The following PCMT1 variants were observed in gnomAD, a reference collection of about 807,000 sequenced individuals.
The protein encoded by PCMT1 is protein-L-isoaspartate (D-aspartate) O-methyltransferase.
PCMT1 carries 9 observed loss-of-function variants against 29.2 expected under a neutral mutation model. The ratio of observed to expected loss-of-function variants is 0.31; its 90% CI spans 0.19 to 0.54. The LOEUF (loss-of-function observed/expected upper bound fraction) is 0.54. Among genes scored for constraint, PCMT1 ranks in the 20% least tolerant of loss-of-function variants. The probability of loss-of-function intolerance (pLI) is 0.95; values close to 1 mark genes in which losing one functional copy is unlikely to be tolerated. For missense variants in PCMT1, 184 were observed against 282.2 expected, an observed-to-expected ratio of 0.65 and a Z score of 2.49; for synonymous variants, 98 against 97.5, an observed-to-expected ratio of 1.00 and a Z score of -0.03.
chr6:149,809,246 G>A (rs1222306078), intron 7 of PCMT1, among the ~76,000 whole-genome samples: 10 of 101,490 alleles, frequency 9.9e-5, no homozygotes, highest in African/African-American at 2.5e-4. Flanking sequence ...GTGACAGAGC[G>A]AGACTCTGTC....
chr6:149,778,504 C>T (rs1393992683), intron 3 of PCMT1, among the ~76,000 whole-genome samples: 8 of 152,046 alleles, frequency 5.3e-5, no homozygotes, highest in African/African-American at 1.9e-4. Flanking sequence ...GCTGGGATTA[C>T]AGGCCTGAGC....
intron 3 of PCMT1, among the ~76,000 whole-genome samples, chr6:149,782,897 G>A (rs9322220): frequency 6.6e-6 from 1 of 151,886 alleles, no homozygotes; most frequent in Admixed American, 6.6e-5. Context: ...TGGCTGATGC[G>A]TGTAATCTCA....
chr6:149,793,353 T>C (rs1442396762), intron 4 of PCMT1, among the ~76,000 whole-genome samples, 196 bp from the exon 5 acceptor site: 1 of 152,200 alleles, frequency 6.6e-6, no homozygotes, highest in African/African-American at 2.4e-5. Context: ...TTTTATTCAA[T>C]GAGAGTGATA....
At chr6:149,801,382 C>T (rs1439093360) in intron 6 of PCMT1, among the ~76,000 whole-genome samples, 1 of 152,116 alleles carries the variant, frequency 6.6e-6, no homozygotes, top group Non-Finnish European at 1.5e-5. Flanking sequence ...TGTTGATGTT[C>T]AGAGTTTTGG....
At chr6:149,771,405 A>G in intron 2 of PCMT1, 139 bp downstream of exon 2, 1 of 508,990 alleles carries the variant, frequency 2.0e-6, no homozygotes, top group Non-Finnish European at 3.4e-6. Context: ...AAGTTTCATA[A>G]TCCCAAACAT....
chr6:149,754,619 C>G (rs887248059), intron 1 of PCMT1, among the ~76,000 whole-genome samples: 1 of 152,134 alleles, frequency 6.6e-6, no homozygotes, highest in East Asian at 1.9e-4. Context: ...TCAGTTACCC[C>G]AAGTCAACTG....
chr6:149,766,872 A>C (rs540626712), intron 1 of PCMT1, among the ~76,000 whole-genome samples: 2 of 152,280 alleles, frequency 1.3e-5, no homozygotes, highest in South Asian at 4.1e-4. Flanking sequence ...AAATGGAATC[A>C]TGTAGTCTCC....
At chr6:149,751,907 C>CAGGTT (rs1786335910) in intron 1 of PCMT1, among the ~76,000 whole-genome samples, 1 of 151,524 alleles carries the variant, frequency 6.6e-6, no homozygotes, top group South Asian at 2.1e-4. Flanking sequence ...CAGGGTTTCA[C>CAGGTT]TGTCACCCAG....
intron 4 of PCMT1, among the ~76,000 whole-genome samples, chr6:149,792,333 G>A (rs538894277): frequency 6.6e-6 from 1 of 151,850 alleles, no homozygotes; most frequent in Non-Finnish European, 1.5e-5. Flanking sequence ...AAGAAGGAAC[G>A]GTTAACTTGC....
chr6:149,763,048 GTATATCTATGATATA>G lies in PCMT1; in HGVS notation c.56-8099_56-8085del, dbSNP rs1200191788. ...GATATATCTATGATATCTATGATAT[GTATATCTATGATATA>G]TATATCTATGATATGTATATCTATG... is the stretch of plus-strand genomic sequence containing the variant. On this transcript the variant is annotated intron_variant, in intron 1 of 7. Coordinates refer to ENST00000464889, the MANE Select transcript of PCMT1 (RefSeq NM_001360452.2). 2.4e-4 allele frequency among the ~76,000 whole-genome samples: 10 copies of G among 41,586 alleles called. 3 individuals carry two copies. The highest frequency in any genetic ancestry group is 4.6e-4 in the Admixed American group (1 of 2,170). 27.3% of individuals were successfully genotyped at this position (41,586 alleles called of 152,430 possible). A position where few individuals can be genotyped will look rare whatever the true frequency, so the allele number is the denominator to read the frequency against.
At chr6:149,782,567 G>T (rs1787856388) in intron 3 of PCMT1, among the ~76,000 whole-genome samples, 1 of 152,178 alleles carries the variant, frequency 6.6e-6, no homozygotes, top group Non-Finnish European at 1.5e-5. Context: ...TTGGAGTAGT[G>T]ACTGACATCT....
chr6:149,763,712 A>G (rs1180908576), intron 1 of PCMT1, among the ~76,000 whole-genome samples: 4 of 152,190 alleles, frequency 2.6e-5, no homozygotes, highest in African/African-American at 7.2e-5. Flanking sequence ...GTATCCATCT[A>G]GAGAAGAATG....
At chr6:149,786,483 T>C (rs1389450998) in intron 3 of PCMT1, among the ~76,000 whole-genome samples, 2 of 125,116 alleles carry the variant, frequency 1.6e-5, no homozygotes, top group Admixed American at 8.0e-5. Context: ...CCAGACGGGG[T>C]GGCTGCCAGG....
chr6:149,807,618 G>C (rs954123529), intron 7 of PCMT1, among the ~76,000 whole-genome samples: 2 of 152,108 alleles, frequency 1.3e-5, no homozygotes, highest in Non-Finnish European at 2.9e-5. Context: ...TGATCCACCC[G>C]CCTCAGCCTC....
chr6:149,783,553 T>G (rs9767122), intron 3 of PCMT1, among the ~76,000 whole-genome samples: 80,768 of 152,114 alleles, frequency 0.53, 24,674 homozygotes, highest in East Asian at 0.83. Flanking sequence ...TATTATATAC[T>G]TCTTAATGTG....
chr6:149,767,862 T>C (rs940279355), intron 1 of PCMT1, among the ~76,000 whole-genome samples: 4 of 149,978 alleles, frequency 2.7e-5, no homozygotes, highest in Admixed American at 6.6e-5. Flanking sequence ...GGCGCGATCT[T>C]GGCTCACTGC....
chr6:149,761,827 GTAAA>G (rs1226373353), intron 1 of PCMT1, among the ~76,000 whole-genome samples: 1 of 152,102 alleles, frequency 6.6e-6, no homozygotes, highest in Non-Finnish European at 1.5e-5. Context: ...GTTTTGAGCA[GTAAA>G]TAAATCTTCT....
chr6:149,793,492 T>A (rs1788466146), intron 4 of PCMT1, 57 bp from the exon 5 acceptor site: 2 of 1,369,426 alleles, frequency 1.5e-6, no homozygotes, highest in Non-Finnish European at 1.9e-6. Context: ...ACTTCAATAA[T>A]ACTTTAGAAA....
chr6:149,779,468 C>T lies in PCMT1; in HGVS notation c.192+6299C>T, dbSNP rs192791183. 1.9e-3 allele frequency among the ~76,000 whole-genome samples: 292 copies of T among 152,154 alleles called. 1 individual carries two copies. Among genetic ancestry groups the T allele is most frequent in the Middle Eastern group, 6.8e-3 (2 of 294 alleles). On this transcript the variant is annotated intron_variant, in intron 3 of 7. Transcript: ENST00000464889. ...CTCCTGAACTGTGCTCAGTCTCTCC[C>T]GTCTCTGATTTGTCCCACAACACTA...
Sources: gnomAD v4.1 joint callset for allele counts (sites outside exome capture counted in the v4.1 genomes callset) on GRCh38, gnomAD v4.1.1 for gene constraint, MANE v1.5 for transcripts, NCBI Gene and HGNC (gene_info 2026-07-23, HGNC 2026-07-21) for gene names.